Variants in MAGI1 observed in about 807,000 individuals in gnomAD.
The protein encoded by MAGI1 is membrane-associated guanylate kinase, WW and PDZ domain-containing protein 1.
MAGI1 carries 58 observed loss-of-function variants against 139.9 expected under a neutral mutation model. The observed-to-expected ratio is 0.41, with a 90% CI of 0.34 to 0.52. MAGI1 has a LOEUF of 0.52. Among genes scored for constraint, MAGI1 ranks in the 20% least tolerant of loss-of-function variants. MAGI1 has a pLI of 0.12. For synonymous variants in MAGI1, 812 were observed against 737.9 expected (o/e 1.10, Z -1.63); for missense variants, 1,874 against 1,901.6 (o/e 0.99, Z 0.27).
chr3:65,955,353 C>T (rs1325228181), intron 1 of MAGI1, among the ~76,000 whole-genome samples: 3 of 152,268 alleles, frequency 2.0e-5, no homozygotes, highest in African/African-American at 7.2e-5. Flanking sequence ...AATAAATAAA[C>T]GTAATTAATT....
chr3:65,922,623 T>C (rs182673265), intron 1 of MAGI1, among the ~76,000 whole-genome samples: 5 of 152,294 alleles, frequency 3.3e-5, no homozygotes, highest in Admixed American at 1.3e-4. Flanking sequence ...TCCAAAACTA[T>C]GAGAGAATAC....
At chr3:65,544,697 G>A (rs1474153404) in intron 2 of MAGI1, among the ~76,000 whole-genome samples, 1 of 152,116 alleles carries the variant, frequency 6.6e-6, no homozygotes, top group Non-Finnish European at 1.5e-5. Flanking sequence ...GATTACCAGG[G>A]GTCTCGTTTT....
chr3:65,476,464 G>A (rs917240093), intron 4 of MAGI1, among the ~76,000 whole-genome samples: 5 of 152,082 alleles, frequency 3.3e-5, no homozygotes, highest in African/African-American at 4.8e-5. Context: ...TTTCAAGTGG[G>A]GATTTTATGA....
chr3:65,878,814 A>AT (rs1292713043), intron 1 of MAGI1, among the ~76,000 whole-genome samples: 1 of 152,146 alleles, frequency 6.6e-6, no homozygotes, highest in East Asian at 1.9e-4. Context: ...GCCTGGACTG[A>AT]TTTAACGACC....
At chr3:65,921,951 C>T (rs1289966727) in intron 1 of MAGI1, among the ~76,000 whole-genome samples, 1 of 151,276 alleles carries the variant, frequency 6.6e-6, no homozygotes, top group African/African-American at 2.4e-5. Context: ...CACACACACA[C>T]ACACTACACA....
chr3:65,745,739 T>TC (rs147195243), intron 1 of MAGI1, among the ~76,000 whole-genome samples: 18,512 of 152,172 alleles, frequency 0.12, 1,306 homozygotes, highest in African/African-American at 0.18. Context: ...CTTTTGTTTT[T>TC]CCCCCCTTGA....
intron 1 of MAGI1, among the ~76,000 whole-genome samples, chr3:65,828,035 A>G (rs1346289468): frequency 6.6e-6 from 1 of 152,222 alleles, no homozygotes; most frequent in Non-Finnish European, 1.5e-5. Context: ...GTTCAACTAG[A>G]GTTGATTTTA....
At chr3:66,025,574 G>C (rs2068211318) in intron 1 of MAGI1, among the ~76,000 whole-genome samples, 1 of 152,082 alleles carries the variant, frequency 6.6e-6, no homozygotes, top group African/African-American at 2.4e-5. Context: ...AACAAAAAAA[G>C]TCCATGATAT....
At chr3:65,644,424 A>G (rs141426637) in intron 1 of MAGI1, among the ~76,000 whole-genome samples, 33 of 151,594 alleles carry the variant, frequency 2.2e-4, no homozygotes, top group Admixed American at 3.3e-4. Flanking sequence ...CCCAAAAAAA[A>G]AAAAAAAAAC....
chr3:65,466,242 T>C (rs1459334913), intron 5 of MAGI1, among the ~76,000 whole-genome samples: 1 of 152,230 alleles, frequency 6.6e-6, no homozygotes, highest in African/African-American at 2.4e-5. Context: ...TGTGTTAGTA[T>C]CTACTCATTG....
chr3:66,012,018 G>A lies in MAGI1; in HGVS notation c.313+25978C>T, dbSNP rs190094792. 2.0e-5 allele frequency among the ~76,000 whole-genome samples: 3 copies of A among 152,052 alleles called. No homozygotes were observed. The East Asian group carries it at 5.8e-4, about 29-fold the overall frequency. On this transcript the variant is annotated intron_variant, in intron 1 of 22. Coordinates refer to ENST00000402939, the MANE Select transcript of MAGI1 (RefSeq NM_001033057.2). ...ATGTCCAATACTTCCTTTTTCCTTAGCTGTAACTCCCCCTACATCACACAA... is the reference window on the plus strand; with the variant it reads ...ATGTCCAATACTTCCTTTTTCCTTAACTGTAACTCCCCCTACATCACACAA...
chr3:65,658,814 T>C (rs1273536718), intron 1 of MAGI1, among the ~76,000 whole-genome samples: 1 of 152,196 alleles, frequency 6.6e-6, no homozygotes, highest in Non-Finnish European at 1.5e-5. Flanking sequence ...CGAAGTGAAA[T>C]AAGTGCAAAG....
chr3:65,685,896 C>A (rs897653902), intron 1 of MAGI1, among the ~76,000 whole-genome samples: 1 of 152,186 alleles, frequency 6.6e-6, no homozygotes, highest in Non-Finnish European at 1.5e-5. Flanking sequence ...GACACGTTTT[C>A]TTCCCCTGAA....
At chr3:65,798,632 G>GGCAACCCT (rs369167229) in intron 1 of MAGI1, among the ~76,000 whole-genome samples, 45,481 of 151,922 alleles carry the variant, frequency 0.3, 7,293 homozygotes, top group Admixed American at 0.42. Flanking sequence ...ATTCCCAGGA[G>GGCAACCCT]CTTTGTGAAC....
chr3:65,510,147 C>A (rs559392911), intron 2 of MAGI1, among the ~76,000 whole-genome samples: 64 of 152,298 alleles, frequency 4.2e-4, no homozygotes, highest in Non-Finnish European at 7.1e-4. Context: ...ACCAAAAACC[C>A]ATCTGTACAT....
chr3:65,843,551 T>C (rs753569947), intron 1 of MAGI1, among the ~76,000 whole-genome samples: 13 of 152,150 alleles, frequency 8.5e-5, no homozygotes, highest in Non-Finnish European at 1.6e-4. Flanking sequence ...TAATGTACCT[T>C]CCCAGCTACA....
At chr3:65,846,094 G>A (rs1388822928) in intron 1 of MAGI1, among the ~76,000 whole-genome samples, 2 of 152,178 alleles carry the variant, frequency 1.3e-5, no homozygotes, top group African/African-American at 4.8e-5. Context: ...AGAAGCCATC[G>A]AAACTGACTT....
chr3:65,817,291 T>G (rs906380740), intron 1 of MAGI1, among the ~76,000 whole-genome samples: 1 of 150,736 alleles, frequency 6.6e-6, no homozygotes, highest in African/African-American at 2.5e-5. Context: ...ATATATTATA[T>G]CTGAACTTAA....
chr3:65,983,421 C>T (rs2065694571), intron 1 of MAGI1, among the ~76,000 whole-genome samples: 1 of 152,134 alleles, frequency 6.6e-6, no homozygotes, highest in Non-Finnish European at 1.5e-5. Context: ...GACTTTAAAA[C>T]CACTGGTGAG....
Sources: allele counts gnomAD v4.1 joint callset (sites outside exome capture counted in the v4.1 genomes callset), GRCh38; gene constraint gnomAD v4.1.1; transcripts MANE v1.5; gene names NCBI Gene and HGNC (gene_info 2026-07-23, HGNC 2026-07-21).